COL22A1: variants seen among roughly 807,000 people sequenced by gnomAD.
The protein encoded by COL22A1 is collagen alpha-1(XXII) chain.
Under a neutral mutation model 248.9 loss-of-function variants are expected in COL22A1, and 221 were observed. That is an observed-to-expected ratio of 0.89 (90% CI 0.80 to 0.99). COL22A1 has a LOEUF of 0.99. Ranked by LOEUF, COL22A1 falls within the 50% of genes least tolerant of loss-of-function variation. The probability of loss-of-function intolerance (pLI) is 0.00; values close to 1 mark genes in which losing one functional copy is unlikely to be tolerated. For synonymous variants in COL22A1, 891 were observed against 793.4 expected (o/e 1.12, Z -2.07); for missense variants, 2,240 against 2,179.0 (o/e 1.03, Z -0.56).
At chr8:138,713,415 G>C (rs1829181635) in intron 30 of COL22A1, among the ~76,000 whole-genome samples, 1 of 152,164 alleles carries the variant, frequency 6.6e-6, no homozygotes, top group Non-Finnish European at 1.5e-5. Context: ...ACCAGAGTGA[G>C]CAACGGAAAA....
chr8:138,589,537 A>G, intron 64 of COL22A1, 97 bp from the exon 65 acceptor site: 1 of 1,011,160 alleles, frequency 9.9e-7, no homozygotes, highest in Non-Finnish European at 1.4e-6. Context: ...TGAACTCAGG[A>G]CCTGAAACGT....
chr8:138,819,509 A>G (rs887941650), intron 7 of COL22A1, among the ~76,000 whole-genome samples: 3 of 151,254 alleles, frequency 2.0e-5, no homozygotes, highest in African/African-American at 7.3e-5. Context: ...TGGCAAAACA[A>G]CAAAACATTA....
intron 52 of COL22A1, among the ~76,000 whole-genome samples, chr8:138,620,780 T>C (rs902586830): frequency 6.6e-6 from 1 of 152,246 alleles, no homozygotes; most frequent in Non-Finnish European, 1.5e-5. Context: ...GCTGGGGTTC[T>C]AATCCAGGCA....
chr8:138,836,570 ACT>A (rs1168785067), intron 4 of COL22A1, among the ~76,000 whole-genome samples: 1 of 152,026 alleles, frequency 6.6e-6, no homozygotes, highest in Non-Finnish European at 1.5e-5. Context: ...ACCCTCACAA[ACT>A]CTAGATAAAC....
chr8:138,589,130 C>G lies in COL22A1; in HGVS notation c.*123G>C. 1.1e-6 allele frequency: 1 copy of G among 903,270 alleles called. No individual in the cohort carries two copies. Among genetic ancestry groups the G allele is most frequent in the Non-Finnish European group, 1.7e-6 (1 of 596,984 alleles). The allele number at this position is 903,270 out of a possible 1,614,324, so 56.0% of individuals were successfully genotyped here. On this transcript the variant is annotated 3_prime_UTR_variant, in exon 65 of 65. Coordinates refer to ENST00000303045, the MANE Select transcript of COL22A1 (RefSeq NM_152888.3). ...TCAAGAAAATAAAACAAAAAGCAAA[C>G]GATAAAAGAAAGAAAAAAAAAAGGA...
intron 1 of COL22A1, among the ~76,000 whole-genome samples, chr8:138,908,086 G>A (rs1394967309): frequency 1.3e-5 from 2 of 151,976 alleles, no homozygotes; most frequent in African/African-American, 2.4e-5. Context: ...TAAACAATGC[G>A]GACCACAGCA....
At chr8:138,808,851 C>T (rs1358868974) in intron 9 of COL22A1, among the ~76,000 whole-genome samples, 1 of 152,204 alleles carries the variant, frequency 6.6e-6, no homozygotes, top group Non-Finnish European at 1.5e-5. Context: ...TTCTCCTCAC[C>T]TAGCGCCCAC....
chr8:138,659,722 T>C (rs1003694206), intron 44 of COL22A1, among the ~76,000 whole-genome samples: 2 of 152,174 alleles, frequency 1.3e-5, no homozygotes, highest in African/African-American at 2.4e-5. Flanking sequence ...TCCCAGGAGA[T>C]GAGGGTGCCT....
chr8:138,787,831 G>T lies in COL22A1; in HGVS notation c.1597-6851C>A, dbSNP rs1452157984. Among the ~76,000 whole-genome samples, 3 of 152,218 alleles carry T rather than the reference G, an allele frequency of 2.0e-5. No individual in the cohort carries two copies. In the South Asian group the frequency reaches 6.2e-4, roughly 32 times the overall value. The stretch of plus-strand genomic sequence containing the variant: ...ATCTCATTTGGAGGCATATGGGGAG[G>T]GGGGCAACCATCTAGCAGGAAATTA... On this transcript the variant is annotated intron_variant, in intron 12 of 64. Transcript: ENST00000303045.
chr8:138,619,029 C>T (rs1229928840), intron 53 of COL22A1, among the ~76,000 whole-genome samples: 2 of 151,838 alleles, frequency 1.3e-5, no homozygotes, highest in South Asian at 2.1e-4. Context: ...TTCTCAATAC[C>T]ATTTTTTGTA....
rs187940348 is a variant in COL22A1, at chr8:138,831,243, C to T, written c.845+1796G>A. Among the ~76,000 whole-genome samples the T allele has an allele frequency of 2.6e-3, 398 of 152,212 alleles. 3 individuals are homozygous for T. The highest frequency in any genetic ancestry group is 3.1e-3 in the Non-Finnish European group (210 of 68,004). On this transcript the variant is annotated intron_variant, in intron 5 of 64. Coordinates refer to ENST00000303045, the MANE Select transcript of COL22A1 (RefSeq NM_152888.3). The stretch of plus-strand genomic sequence containing the variant: ...CAGAAACCCCTACTCTATGAGCTGG[C>T]GTTCAAAGCCAGTCTTTGCCAGACT...
At chr8:138,878,537 C>A (rs942875527) in intron 2 of COL22A1, among the ~76,000 whole-genome samples, 1 of 152,158 alleles carries the variant, frequency 6.6e-6, no homozygotes, top group African/African-American at 2.4e-5. Flanking sequence ...CTGTGAGGCT[C>A]AACTGACAGT....
intron 63 of COL22A1, among the ~76,000 whole-genome samples, chr8:138,592,090 T>A (rs551579323): frequency 9.1e-4 from 138 of 152,296 alleles, no homozygotes; most frequent in African/African-American, 3.1e-3. Flanking sequence ...CTCAAGAAGC[T>A]TGAAATTCAA....
At chr8:138,871,530 C>T (rs1264734058) in intron 3 of COL22A1, among the ~76,000 whole-genome samples, 1 of 152,196 alleles carries the variant, frequency 6.6e-6, no homozygotes, top group Non-Finnish European at 1.5e-5. Flanking sequence ...CACTTATCAC[C>T]ACATGAAATG....
intron 10 of COL22A1, among the ~76,000 whole-genome samples, chr8:138,805,982 TTGTG>T (rs1014343380): frequency 3.0e-4 from 29 of 96,610 alleles, no homozygotes; most frequent in Non-Finnish European, 5.3e-4. Context: ...GTGTGTGTGA[TTGTG>T]TGTGATGGTG....
chr8:138,703,252 C>T (rs1006255604), intron 31 of COL22A1, 54 bp downstream of exon 31: 40 of 1,465,232 alleles, frequency 2.7e-5, no homozygotes, highest in Non-Finnish European at 3.4e-5. Flanking sequence ...AGGGGGAGTA[C>T]GAATCCCAAT....
Position 138,775,995 on chromosome 8 carries a change from G to C in COL22A1, c.1774C>G (p.Arg592Gly), listed in dbSNP as rs770025187. The change falls in exon 16 of 65, where the codon CGA becomes GGA. Residue 592 changes from arginine to glycine, a missense_variant. By Grantham distance (125) the Arg-to-Gly change is moderately radical (BLOSUM62 -2). Transcript: ENST00000303045. ...RVGAPGLQGE[R>G]GEKGTRGEKG... ...TCTCCTCGAGTTCCCTTTTCACCTC[G>C]TTCTCCTTGGAGACCCTGGGGGACA... 1 of 1,613,998 alleles carries C rather than the reference G, an allele frequency of 6.2e-7. No homozygotes were observed. The highest frequency in any genetic ancestry group is 8.5e-7 in the Non-Finnish European group (1 of 1,179,942).
At chr8:138,896,697 A>G (rs1190566662) in intron 1 of COL22A1, among the ~76,000 whole-genome samples, 2 of 152,132 alleles carry the variant, frequency 1.3e-5, no homozygotes, top group African/African-American at 4.8e-5. Flanking sequence ...TCAAGGCCAG[A>G]CGCGGTGGCT....
intron 30 of COL22A1, among the ~76,000 whole-genome samples, chr8:138,709,842 G>C (rs942241624): frequency 6.6e-6 from 1 of 152,120 alleles, no homozygotes. Flanking sequence ...CATTTATGTG[G>C]TTTTCCTCTG....
Sources: gnomAD v4.1 joint callset for allele counts (sites outside exome capture counted in the v4.1 genomes callset) on GRCh38, gnomAD v4.1.1 for gene constraint, MANE v1.5 for transcripts, NCBI Gene and HGNC (gene_info 2026-07-23, HGNC 2026-07-21) for gene names.